The following GAD1 variants were observed in gnomAD, a reference collection of about 807,000 sequenced individuals.
The protein encoded by GAD1 is glutamate decarboxylase 1, also known as 67 kDa glutamic acid decarboxylase.
GAD1 carries 35 observed loss-of-function variants against 75.2 expected under a neutral mutation model. That is an observed-to-expected ratio of 0.47 (90% CI 0.36 to 0.62). GAD1 has a LOEUF of 0.62. Ranked by LOEUF, GAD1 falls within the 20% of genes least tolerant of loss-of-function variation. The pLI, the probability that GAD1 is intolerant of heterozygous loss-of-function variation, is 0.00. For synonymous variants in GAD1, 257 were observed against 271.9 expected (o/e 0.95, Z 0.54); for missense variants, 490 against 758.5 (o/e 0.65, Z 4.16).
chr2:170,852,415 T>G, intron 12 of GAD1: 1 of 423,226 alleles, frequency 2.4e-6, no homozygotes, highest in South Asian at 2.3e-5. Context: ...CTCCAAAGCC[T>G]GAATTCTTAA....
At position 170,828,127 on chromosome 2, in the gene GAD1, CCT is replaced by C. The variant is rs1429155652; in HGVS notation, c.146-1346_146-1345del. 8.7e-4 allele frequency among the ~76,000 whole-genome samples: 124 copies of C among 143,202 alleles called. 1 individual carries two copies. Among genetic ancestry groups the C allele is most frequent in the African/African-American group, 3.2e-3 (121 of 37,568 alleles). 93.9% of individuals were successfully genotyped at this position (143,202 alleles called of 152,430 possible). On this transcript the variant is annotated intron_variant, in intron 3 of 16. Coordinates refer to ENST00000358196, the MANE Select transcript of GAD1 (RefSeq NM_000817.3). ...GCTGTCCTCCCTCTGCTGTCCTCAC[CCT>C]CCTCCCTCTGCTGTCCTCACCCTCC... is the stretch of plus-strand genomic sequence containing the variant.
At chr2:170,849,917 A>C (rs1323655207) in intron 12 of GAD1, among the ~76,000 whole-genome samples, 1 of 152,244 alleles carries the variant, frequency 6.6e-6, no homozygotes. Flanking sequence ...CAGGACACTC[A>C]GCTCCTAACT....
chr2:170,846,075 G>A lies in GAD1; in HGVS notation c.1002+12G>A, dbSNP rs701491. 35,466 of 1,608,244 alleles carry A rather than the reference G, an allele frequency of 0.022. 1,036 individuals are homozygous for A. The highest frequency in any genetic ancestry group is 0.14 in the Admixed American group (8,684 of 59,982). ...AAGCCAAACAGAAGGTATGTACTCC[G>A]TGGTGCATCTGAACTCCAGTTTTAA... On this transcript the variant is annotated intron_variant, in intron 10 of 16. Transcript: ENST00000358196.
At chr2:170,858,194 C>G (rs930361225) in intron 15 of GAD1, among the ~76,000 whole-genome samples, 1 of 152,086 alleles carries the variant, frequency 6.6e-6, no homozygotes, top group Admixed American at 6.6e-5. Context: ...CAAACAGCAA[C>G]CAGCGAGAAA....
rs187395289 is a variant in GAD1 at position 170,835,941 on chromosome 2, A to T, written c.548-852A>T. On this transcript the variant is annotated intron_variant, in intron 5 of 16. Coordinates refer to ENST00000358196, the MANE Select transcript of GAD1 (RefSeq NM_000817.3). ...CTTCTTTTAGTTTTTTCTAAAAAACAGTATTATTTTGTGAGGGCTCTTAAG... is the reference window on the plus strand; with the variant it reads ...CTTCTTTTAGTTTTTTCTAAAAAACTGTATTATTTTGTGAGGGCTCTTAAG... 2.0e-5 allele frequency among the ~76,000 whole-genome samples: 3 copies of T among 152,286 alleles called. No individual in the cohort carries two copies. In the East Asian group the frequency reaches 5.8e-4, roughly 29 times the overall value.
chr2:170,831,751 TAATA>T (rs1702236264), intron 5 of GAD1, among the ~76,000 whole-genome samples: 2 of 144,700 alleles, frequency 1.4e-5, no homozygotes, highest in Non-Finnish European at 3.0e-5. Context: ...AATATAAAAA[TAATA>T]TATAAATATT....
At position 170,858,905 on chromosome 2, in the gene GAD1, C is replaced by T; in HGVS notation, c.1611+12C>T. 1.2e-6 allele frequency: 2 copies of T among 1,609,914 alleles called. No homozygotes were observed. Among genetic ancestry groups the T allele is most frequent in the Admixed American group, 1.7e-5 (1 of 60,012 alleles). On this transcript the variant is annotated intron_variant, in intron 16 of 16. Transcript: ENST00000358196. ...AAAAGCTACACAAGGTATGGACTTG[C>T]TTTTTGTCTCATCTAATCCTCTGCA...
At chr2:170,854,518 A>G (rs942510102) in intron 14 of GAD1, among the ~76,000 whole-genome samples, 6 of 149,396 alleles carry the variant, frequency 4.0e-5, no homozygotes, top group Non-Finnish European at 7.4e-5. Context: ...CTCCTGCCTC[A>G]GCCTCCAGAG....
Position 170,829,463 on chromosome 2 carries a change from C to T in GAD1, c.146-12C>T, listed in dbSNP as rs367902816. On this transcript the variant is annotated splice_polypyrimidine_tract_variant and intron_variant, in intron 3 of 16. Coordinates refer to ENST00000358196, the MANE Select transcript of GAD1 (RefSeq NM_000817.3). ...TTGCAGCACTCTCTCTGACCAGCTTCTTGTGCCATAGGCTTCTTGCAAAGG... is the reference window on the plus strand; with the variant it reads ...TTGCAGCACTCTCTCTGACCAGCTTTTTGTGCCATAGGCTTCTTGCAAAGG... The T allele has an allele frequency of 5.0e-6, 8 of 1,612,246 alleles. No individual in the cohort carries two copies. The highest frequency in any genetic ancestry group is 6.8e-6 in the Non-Finnish European group (8 of 1,179,866).
chr2:170,836,344 T>C (rs1402896413), intron 5 of GAD1, among the ~76,000 whole-genome samples: 1 of 152,218 alleles, frequency 6.6e-6, no homozygotes, highest in Non-Finnish European at 1.5e-5. Flanking sequence ...TAAAGCATAC[T>C]GTGGGTTGCA....
At chr2:170,819,725 T>C (rs1286500252) in intron 2 of GAD1, among the ~76,000 whole-genome samples, 1 of 152,152 alleles carries the variant, frequency 6.6e-6, no homozygotes, top group South Asian at 2.1e-4. Context: ...ATTAATTGTA[T>C]GAATTTCCAG....
intron 5 of GAD1, among the ~76,000 whole-genome samples, chr2:170,834,951 T>A (rs1702335492): frequency 6.6e-6 from 1 of 151,976 alleles, no homozygotes; most frequent in Admixed American, 6.6e-5. Flanking sequence ...TGTATTTTTT[T>A]AGTAGAGATG....
rs560889153 is a variant in GAD1, at chr2:170,818,551, C to CCT, written c.-41_-40insCT. The CCT allele has an allele frequency of 2.6e-3, 4,161 of 1,578,956 alleles. 8 individuals are homozygous for CCT. Among genetic ancestry groups the CCT allele is most frequent in the Non-Finnish European group, 3.2e-3 (3,620 of 1,147,936 alleles). On this transcript the variant is annotated 5_prime_UTR_variant, in exon 2 of 17. Transcript: ENST00000358196. The surrounding 1 kb of genome is among the most constrained non-coding windows in gnomAD (Gnocchi z 5.9). ...CAGCCTGTTTCTGCGCCGGACCAGT[C>CCT]GAGGACTCTGGACAGTAGAGGCCCC... is the stretch of plus-strand genomic sequence containing the variant.
intron 3 of GAD1, among the ~76,000 whole-genome samples, chr2:170,828,196 CT>C (rs112002439): frequency 0.023 from 2,443 of 104,724 alleles, 31 homozygotes; most frequent in East Asian, 0.033. Context: ...CTGTCCTCAC[CT>C]CTCCTCTCTC....
intron 5 of GAD1, among the ~76,000 whole-genome samples, chr2:170,835,833 C>T (rs1702357784): frequency 6.6e-6 from 1 of 152,194 alleles, no homozygotes; most frequent in South Asian, 2.1e-4. Flanking sequence ...AGTAGAGTAA[C>T]ATGGAATCAT....
chr2:170,842,120 C>T (rs1702530334), intron 6 of GAD1, among the ~76,000 whole-genome samples: 1 of 152,156 alleles, frequency 6.6e-6, no homozygotes, highest in South Asian at 2.1e-4. Flanking sequence ...GGCCATGTTC[C>T]TGGTCCTTGG....
intron 5 of GAD1, among the ~76,000 whole-genome samples, chr2:170,834,613 T>C (rs1702324303): frequency 6.6e-6 from 1 of 152,214 alleles, no homozygotes; most frequent in Admixed American, 6.5e-5. Context: ...AATTTTAAAC[T>C]TATACAAAAG....
chr2:170,843,182 C>T (rs45504098), intron 6 of GAD1, among the ~76,000 whole-genome samples: 40 of 152,342 alleles, frequency 2.6e-4, no homozygotes, highest in Admixed American at 1.5e-3. Context: ...TTAGGCCCCA[C>T]GTTTGGTCTC....
At position 170,831,197 on chromosome 2, in the gene GAD1, G is replaced by T. The variant is rs1240520470; in HGVS notation, c.547+5G>T. Reference sequence around the variant, plus strand: ...TGAAGTATGGGGTTCGCACAGGTAAGGAGGAGAGTTGGGTAGACAGGTAGT... The same window carrying T: ...TGAAGTATGGGGTTCGCACAGGTAATGAGGAGAGTTGGGTAGACAGGTAGT... On this transcript the variant is annotated splice_donor_5th_base_variant and intron_variant, in intron 5 of 16. Coordinates refer to ENST00000358196, the MANE Select transcript of GAD1 (RefSeq NM_000817.3). The T allele has an allele frequency of 1.9e-6, 3 of 1,614,144 alleles. No homozygotes were observed. Among genetic ancestry groups the T allele is most frequent in the Admixed American group, 1.7e-5 (1 of 60,014 alleles).
Sources: allele counts gnomAD v4.1 joint callset (sites outside exome capture counted in the v4.1 genomes callset), GRCh38; gene constraint gnomAD v4.1.1; non-coding constraint Gnocchi (gnomAD v3.1); transcripts MANE v1.5; gene names NCBI Gene and HGNC (gene_info 2026-07-23, HGNC 2026-07-21).